TANGO6: variants seen among roughly 807,000 people sequenced by gnomAD.
TANGO6 encodes the protein transport and golgi organization 6 homolog.
TANGO6 carries 90 observed loss-of-function variants against 114.2 expected under a neutral mutation model. The ratio of observed to expected loss-of-function variants is 0.79; its 90% CI spans 0.66 to 0.94. TANGO6 has a LOEUF of 0.94. Ranked by LOEUF, TANGO6 falls within the 40% of genes least tolerant of loss-of-function variation. The probability of loss-of-function intolerance (pLI) is 0.00; values close to 1 mark genes in which losing one functional copy is unlikely to be tolerated. For missense variants in TANGO6, 1,274 were observed against 1,315.3 expected (o/e 0.97, Z 0.49); for synonymous variants, 477 against 509.8 (o/e 0.94, Z 0.87).
chr16:69,081,347 A>T (rs949448153), intron 17 of TANGO6, among the ~76,000 whole-genome samples: 1 of 151,882 alleles, frequency 6.6e-6, no homozygotes, highest in South Asian at 2.1e-4. Context: ...TAGTTGGACG[A>T]GTTGGTCCCT....
chr16:69,017,131 C>T (rs1261831804), intron 15 of TANGO6, among the ~76,000 whole-genome samples: 1 of 151,996 alleles, frequency 6.6e-6, no homozygotes, highest in Non-Finnish European at 1.5e-5. Flanking sequence ...TAAGATAATA[C>T]TGGAGCTGTT....
chr16:69,070,403 C>CG (rs905934036), intron 17 of TANGO6, among the ~76,000 whole-genome samples: 8 of 151,818 alleles, frequency 5.3e-5, no homozygotes, highest in African/African-American at 1.9e-4. Flanking sequence ...GAGGCCGAAG[C>CG]GGGGGGATCA....
At chr16:68,905,532 C>T (rs1962838629) in intron 9 of TANGO6, among the ~76,000 whole-genome samples, 1 of 147,464 alleles carries the variant, frequency 6.8e-6, no homozygotes, top group East Asian at 2.0e-4. Context: ...GAAACTCTGT[C>T]TCAAAAAAAA....
At chr16:68,929,434 C>CT (rs1963212292) in intron 13 of TANGO6, among the ~76,000 whole-genome samples, 1 of 152,120 alleles carries the variant, frequency 6.6e-6, no homozygotes, top group Admixed American at 6.6e-5. Context: ...AAAAGATTCC[C>CT]TACCTTCAAA....
At chr16:69,066,065 A>C (rs951070956) in intron 17 of TANGO6, among the ~76,000 whole-genome samples, 11 of 152,078 alleles carry the variant, frequency 7.2e-5, no homozygotes, top group African/African-American at 2.4e-4. Flanking sequence ...GCATAGCTTG[A>C]TCAGAGCTTC....
intron 15 of TANGO6, among the ~76,000 whole-genome samples, chr16:69,020,605 C>T (rs1200004539): frequency 1.3e-5 from 2 of 152,064 alleles, no homozygotes; most frequent in Non-Finnish European, 2.9e-5. Flanking sequence ...CAATATAGGT[C>T]ATCATTTGGT....
chr16:68,919,439 G>A (rs1963058254), intron 12 of TANGO6, among the ~76,000 whole-genome samples: 1 of 152,150 alleles, frequency 6.6e-6, no homozygotes, highest in East Asian at 1.9e-4. Context: ...CTATCAGAAG[G>A]GCAGGGTCCT....
chr16:69,035,445 A>G (rs1442453776), intron 16 of TANGO6: 2 of 152,264 alleles, frequency 1.3e-5, no homozygotes, highest in Non-Finnish European at 2.9e-5. Context: ...CTTCCTTGAT[A>G]CATACCTCAA....
chr16:69,052,285 T>G (rs62055836), intron 17 of TANGO6, among the ~76,000 whole-genome samples: 1 of 128,484 alleles, frequency 7.8e-6, no homozygotes, highest in Non-Finnish European at 1.8e-5. Flanking sequence ...TTTTTTTTTT[T>G]GGAGACAGGG....
chr16:68,985,705 CCT>C (rs1432001653), intron 15 of TANGO6, among the ~76,000 whole-genome samples: 2 of 152,020 alleles, frequency 1.3e-5, no homozygotes, highest in Non-Finnish European at 1.5e-5. Flanking sequence ...AGAGTGAGAC[CCT>C]GTCTCAAAAA....
chr16:68,852,454 T>G (rs1961917504), intron 1 of TANGO6, among the ~76,000 whole-genome samples: 1 of 151,764 alleles, frequency 6.6e-6, no homozygotes, highest in Admixed American at 6.6e-5. Context: ...ATTTATATTT[T>G]CAAAAAAAAA....
At chr16:68,860,904 A>G (rs1406423571) in intron 2 of TANGO6, among the ~76,000 whole-genome samples, 1 of 152,196 alleles carries the variant, frequency 6.6e-6, no homozygotes, top group Non-Finnish European at 1.5e-5. Context: ...GATAATTCCT[A>G]CTGATATTAG....
chr16:69,062,747 A>G (rs1960140891), intron 17 of TANGO6, among the ~76,000 whole-genome samples: 1 of 147,700 alleles, frequency 6.8e-6, no homozygotes. Flanking sequence ...TTCTGGGATT[A>G]CAGGCATGAG....
chr16:69,014,599 C>T (rs1044807504), intron 15 of TANGO6, among the ~76,000 whole-genome samples: 3 of 152,070 alleles, frequency 2.0e-5, no homozygotes, highest in Non-Finnish European at 4.4e-5. Flanking sequence ...CCCTAAAGCT[C>T]AAATTAACCC....
chr16:69,050,313 T>C (rs939821873), intron 17 of TANGO6, among the ~76,000 whole-genome samples: 3 of 152,142 alleles, frequency 2.0e-5, no homozygotes, highest in Non-Finnish European at 1.5e-5. Flanking sequence ...TGCATCTCCC[T>C]CATGGCTAAA....
Position 69,040,324 on chromosome 16 carries a change from T to G in TANGO6, c.3011T>G (p.Ile1004Ser). 6.2e-7 allele frequency: 1 copy of G among 1,607,106 alleles called. No individual in the cohort carries two copies. The highest frequency in any genetic ancestry group is 2.2e-5 in the East Asian group (1 of 44,740). Residue 1004 changes from isoleucine to serine, a missense_variant, in exon 17 of 18, where the codon ATT (isoleucine) becomes AGT (serine). Coordinates refer to ENST00000261778, the MANE Select transcript of TANGO6 (RefSeq NM_024562.2). ...SVVHEVTACLIAVAKTDGEVQ... is the reference protein window; with the variant it reads ...SVVHEVTACLSAVAKTDGEVQ... ...TCCTCCTAGGTAACAGCTTGCCTGA[T>G]TGCTGTGGCCAAAACAGATGGTGAA...
chr16:68,871,297 T>C (rs561080480), intron 4 of TANGO6, among the ~76,000 whole-genome samples: 5 of 152,320 alleles, frequency 3.3e-5, no homozygotes, highest in South Asian at 4.1e-4. Context: ...ATAAATGATA[T>C]ACCATTTTTC....
rs1960506540 is a variant in TANGO6 at position 69,084,215 on chromosome 16, G to A, written c.*554G>A. 6.6e-6 allele frequency: 1 copy of A among 152,540 alleles called. No individual in the cohort carries two copies. The highest frequency in any genetic ancestry group is 2.1e-4 in the South Asian group (1 of 4,848). The allele number at this position is 152,540 out of a possible 1,614,324, so 9.4% of individuals were successfully genotyped here. ...GGAATAAAGTTATCTTGGATGGAAA[G>A]AACAGGGCTAAATCTGGTCCTCTGG... is the stretch of plus-strand genomic sequence containing the variant. On this transcript the variant is annotated 3_prime_UTR_variant, in exon 18 of 18. Coordinates refer to ENST00000261778, the MANE Select transcript of TANGO6 (RefSeq NM_024562.2).
intron 16 of TANGO6, among the ~76,000 whole-genome samples, chr16:69,036,841 T>A (rs1167425096): frequency 6.6e-6 from 1 of 152,030 alleles, no homozygotes; most frequent in East Asian, 1.9e-4. Context: ...TACACGCCTG[T>A]AGTCCCAGCT....
Sources: allele counts gnomAD v4.1 joint callset (sites outside exome capture counted in the v4.1 genomes callset), GRCh38; gene constraint gnomAD v4.1.1; transcripts MANE v1.5; gene names NCBI Gene and HGNC (gene_info 2026-07-23, HGNC 2026-07-21).